Variants in C12orf71 observed in about 807,000 individuals in gnomAD.
C12orf71 encodes chromosome 12 open reading frame 71.
A neutral mutation model predicts 11.7 loss-of-function variants in C12orf71; 10 were observed. The observed-to-expected ratio is 0.86, with a 90% confidence interval of 0.53 to 1.45. C12orf71 has a LOEUF of 1.45. Among genes scored for constraint, C12orf71 ranks in the 40% most tolerant of loss-of-function variants. C12orf71 has a pLI of 0.00. For missense variants in C12orf71, 293 were observed against 325.8 expected (o/e 0.90, Z 0.78); for synonymous variants, 110 against 123.4 (o/e 0.89, Z 0.72).
chr12:27,083,080 A>G (rs1445977857), upstream of C12orf71, among the ~76,000 whole-genome samples: 2 of 152,050 alleles, frequency 1.3e-5, no homozygotes, highest in Non-Finnish European at 2.9e-5. Flanking sequence ...AGCTAGGACT[A>G]CAGGCACATG....
upstream of C12orf71, among the ~76,000 whole-genome samples, chr12:27,083,464 C>G (rs1223684338): frequency 2.6e-5 from 4 of 152,062 alleles, no homozygotes; most frequent in Non-Finnish European, 5.9e-5. Flanking sequence ...TGCTGTAGTC[C>G]TACCTTCTAA....
Position 27,081,269 on chromosome 12 carries a change from T to A in C12orf71, c.715A>T (p.Lys239Ter). The change falls in exon 2 of 2, where the codon AAA becomes TAA. Residue 239 changes from lysine to a stop codon, truncating the protein, a stop_gained. Transcript: ENST00000429849. LOFTEE classifies it low-confidence loss of function (END_TRUNC). ...LRRDHPVNATKSPHRSAPTKR... is the reference protein window; with the variant it reads ...LRRDHPVNAT Reference sequence around the variant, plus strand: ...GTTGGTGCTGACCGATGGGGACTTTTGGTGGCATTCACAGGGTGATCCCTC... The same window carrying A: ...GTTGGTGCTGACCGATGGGGACTTTAGGTGGCATTCACAGGGTGATCCCTC... 6.2e-7 allele frequency: 1 copy of A among 1,614,004 alleles called. No individual in the cohort carries two copies. The highest frequency in any genetic ancestry group is 8.5e-7 in the Non-Finnish European group (1 of 1,179,866).
chr12:27,081,488 G>GT (rs1941932394), intron 1 of C12orf71, 21 bp from the exon 2 acceptor site: 1 of 1,595,230 alleles, frequency 6.3e-7, no homozygotes, highest in Non-Finnish European at 8.6e-7. Flanking sequence ...AATGAAGGAT[G>GT]TGTTAGGTAG....
At chr12:27,083,101 C>G (rs1470438566), upstream of C12orf71, among the ~76,000 whole-genome samples, 1 of 151,992 alleles carries the variant, frequency 6.6e-6, no homozygotes, top group African/African-American at 2.4e-5. Context: ...CCACCATGCC[C>G]AGCTAATTTT....
chr12:27,081,245 T>C lies in C12orf71; in HGVS notation c.739A>G (p.Thr247Ala), dbSNP rs1465531222. 2 of 1,613,992 alleles carry C rather than the reference T, an allele frequency of 1.2e-6. No individual in the cohort carries two copies. Among genetic ancestry groups the C allele is most frequent in the East Asian group, 4.5e-5 (2 of 44,882 alleles). The change falls in exon 2 of 2, where the codon ACG becomes GCG. Residue 247 changes from threonine to alanine, a missense_variant. Coordinates refer to ENST00000429849, the MANE Select transcript of C12orf71 (RefSeq NM_001080406.2). ...ATKSPHRSAPTKRLFHRGKRI... is the reference protein window; with the variant it reads ...ATKSPHRSAPAKRLFHRGKRI... ...TTGCCTCTGTGAAAGAGTCTTTTCGTTGGTGCTGACCGATGGGGACTTTTG... is the reference window on the plus strand; with the variant it reads ...TTGCCTCTGTGAAAGAGTCTTTTCGCTGGTGCTGACCGATGGGGACTTTTG...
upstream of C12orf71, among the ~76,000 whole-genome samples, chr12:27,083,293 C>A (rs1411367100): frequency 6.6e-6 from 1 of 152,174 alleles, no homozygotes; most frequent in East Asian, 1.9e-4. Context: ...AGCCCTCTCC[C>A]TTTTAAAACT....
Position 27,082,024 on chromosome 12 carries a change from C to T in C12orf71, c.460G>A (p.Glu154Lys), listed in dbSNP as rs745875375. Residue 154 changes from glutamate (E) to lysine (K), a missense_variant, in exon 1 of 2, where the codon GAA becomes AAA. By Grantham distance (56) the Glu-to-Lys change is moderately conservative (BLOSUM62 1). Coordinates refer to ENST00000429849, the MANE Select transcript of C12orf71 (RefSeq NM_001080406.2). ...NLKDDDAVFP[E>K]TAQQDFQLSS... ...AGCTGGAAATCTTGCTGAGCAGTTT[C>T]AGGAAATACAGCGTCATCATCTTTC... 6.3e-7 allele frequency: 1 copy of T among 1,592,222 alleles called. No individual in the cohort carries two copies. Among genetic ancestry groups the T allele is most frequent in the South Asian group, 1.1e-5 (1 of 87,912 alleles).
upstream of C12orf71, among the ~76,000 whole-genome samples, chr12:27,083,949 C>T (rs983268363): frequency 6.6e-6 from 1 of 152,180 alleles, no homozygotes; most frequent in Non-Finnish European, 1.5e-5. Flanking sequence ...CACGTGCATG[C>T]ACGCGTGCAC....
Position 27,082,519 on chromosome 12 carries a change from A to G in C12orf71, c.-36T>C. 1 of 1,441,198 alleles carries G rather than the reference A, an allele frequency of 6.9e-7. No individual in the cohort carries two copies. The highest frequency in any genetic ancestry group is 2.4e-5 in the East Asian group (1 of 41,304). The allele number at this position is 1,441,198 out of a possible 1,614,324, so 89.3% of individuals were successfully genotyped here. On this transcript the variant is annotated 5_prime_UTR_variant, in exon 1 of 2. Coordinates refer to ENST00000429849, the MANE Select transcript of C12orf71 (RefSeq NM_001080406.2). ...GGCACAAATTTCTCTCAACTTGAGA[A>G]GCTTCAAAAAAGAAAAAAGAAAAAA...
chr12:27,081,993 C>A lies in C12orf71; in HGVS notation c.491G>T (p.Ser164Ile). The change falls in exon 1 of 2, where the codon AGC (serine) becomes ATC (isoleucine). Residue 164 changes from serine (S) to isoleucine (I), a missense_variant. Coordinates refer to ENST00000429849, the MANE Select transcript of C12orf71 (RefSeq NM_001080406.2). ...CTGAACCATTTCCGGAGGGGAGCCG[C>A]TGGATAGCTGGAAATCTTGCTGAGC... ...ETAQQDFQLS[S>I]GSPPEMVQMI... is the part of the protein sequence containing the mutation. 6.3e-7 allele frequency: 1 copy of A among 1,584,490 alleles called. No homozygotes were observed. The highest frequency in any genetic ancestry group is 8.6e-7 in the Non-Finnish European group (1 of 1,163,692).
chr12:27,081,905 T>G (rs540561313), intron 1 of C12orf71, 63 bp downstream of exon 1: 1 of 1,499,780 alleles, frequency 6.7e-7, no homozygotes, highest in South Asian at 1.2e-5. Context: ...ACATAACATC[T>G]TTATTTTCTG....
Sources: gnomAD v4.1 joint callset for allele counts (sites outside exome capture counted in the v4.1 genomes callset) on GRCh38, gnomAD v4.1.1 for gene constraint, MANE v1.5 for transcripts, NCBI Gene and HGNC (gene_info 2026-07-23, HGNC 2026-07-21) for gene names.